The following FHIT variants were observed in gnomAD, a reference collection of about 807,000 sequenced individuals.
The protein encoded by FHIT is fragile histidine triad diadenosine triphosphatase.
Under a neutral mutation model 17.9 loss-of-function variants are expected in FHIT, and 19 were observed. That is an observed-to-expected ratio of 1.06 (90% CI 0.74 to 1.56). FHIT has a LOEUF of 1.56. Ranked by LOEUF, FHIT falls within the 40% of genes most tolerant of loss-of-function variation. The pLI is 0.00. For synonymous variants in FHIT, 81 were observed against 69.7 expected (o/e 1.16, Z -0.81); for missense variants, 248 against 189.2 (o/e 1.31, Z -1.82).
intron 4 of FHIT, among the ~76,000 whole-genome samples, chr3:60,714,639 G>A (rs367932353): frequency 9.9e-5 from 15 of 151,928 alleles, no homozygotes; most frequent in South Asian, 2.1e-4. Context: ...ATACACCAAT[G>A]ACAGACAAAC....
intron 3 of FHIT, among the ~76,000 whole-genome samples, chr3:60,963,213 G>A (rs1334439472): frequency 6.6e-6 from 1 of 152,106 alleles, no homozygotes; most frequent in Admixed American, 6.6e-5. Flanking sequence ...TAGTTTATTT[G>A]CATAGAGGTG....
intron 2 of FHIT, among the ~76,000 whole-genome samples, chr3:61,079,997 TA>T (rs1355984047): frequency 6.6e-6 from 1 of 152,150 alleles, no homozygotes; most frequent in East Asian, 1.9e-4. Context: ...ATTTTTAAAT[TA>T]AAATTATCAT....
chr3:60,690,548 G>A (rs2040963020), intron 4 of FHIT: 2 of 554,612 alleles, frequency 3.6e-6, no homozygotes, highest in African/African-American at 1.9e-5. Context: ...ACAAACCCTG[G>A]AATAATTCTG....
intron 3 of FHIT, among the ~76,000 whole-genome samples, chr3:60,835,878 G>A (rs551846051): frequency 9.2e-5 from 14 of 152,274 alleles, no homozygotes; most frequent in East Asian, 1.9e-4. Flanking sequence ...GCCTCCCATC[G>A]TGTTGGGATG....
rs530866039 is a variant in FHIT at position 60,486,440 on chromosome 3, C to T, written c.103+50420G>A. ...CTACAAACAACCATAATCCCTTGAACAATTCCCCAAAGCTCCTAACATCAA... is the reference window on the plus strand; with the variant it reads ...CTACAAACAACCATAATCCCTTGAATAATTCCCCAAAGCTCCTAACATCAA... On this transcript the variant is annotated intron_variant, in intron 5 of 9. Coordinates refer to ENST00000492590, the MANE Select transcript of FHIT (RefSeq NM_002012.4). Among the ~76,000 whole-genome samples, 24 of 152,216 alleles carry T rather than the reference C, an allele frequency of 1.6e-4. 1 individual carries two copies. The highest frequency in any genetic ancestry group is 5.8e-4 in the African/African-American group (24 of 41,538).
intron 4 of FHIT, among the ~76,000 whole-genome samples, chr3:60,550,934 A>G (rs1188273226): frequency 6.6e-6 from 1 of 152,164 alleles, no homozygotes; most frequent in Non-Finnish European, 1.5e-5. Flanking sequence ...AATGATCAAA[A>G]TCCAAGAACA....
intron 7 of FHIT, among the ~76,000 whole-genome samples, chr3:59,940,375 A>T (rs62238352): frequency 6.6e-6 from 1 of 152,090 alleles, no homozygotes; most frequent in African/African-American, 2.4e-5. Context: ...GGACTTTACC[A>T]TTGTTTTAAA....
chr3:60,052,839 GTA>G (rs1467464128), intron 5 of FHIT, among the ~76,000 whole-genome samples: 2 of 149,514 alleles, frequency 1.3e-5, no homozygotes, highest in Non-Finnish European at 3.0e-5. Flanking sequence ...TTTTTTCTTA[GTA>G]TAAGTATGTC....
chr3:60,239,110 G>T (rs1704973487), intron 5 of FHIT, among the ~76,000 whole-genome samples: 1 of 152,088 alleles, frequency 6.6e-6, no homozygotes, highest in Non-Finnish European at 1.5e-5. Flanking sequence ...TAACTTGAGA[G>T]ATATTTTTGC....
chr3:60,522,642 C>T (rs2035415870), intron 5 of FHIT, among the ~76,000 whole-genome samples: 2 of 152,144 alleles, frequency 1.3e-5, no homozygotes, highest in Non-Finnish European at 2.9e-5. Context: ...TGAGAAACAG[C>T]CTCCATGTGC....
intron 4 of FHIT, among the ~76,000 whole-genome samples, chr3:60,802,547 T>C (rs545362980): frequency 6.6e-6 from 1 of 152,346 alleles, no homozygotes; most frequent in Non-Finnish European, 1.5e-5. Flanking sequence ...CTTAAAACTA[T>C]TTACAGTACT....
At chr3:60,699,150 T>C (rs1477459491) in intron 4 of FHIT, among the ~76,000 whole-genome samples, 3 of 152,312 alleles carry the variant, frequency 2.0e-5, no homozygotes, top group African/African-American at 7.2e-5. Context: ...TTTATTTAAA[T>C]ACCCAACTAC....
chr3:60,593,689 A>G (rs898887645), intron 4 of FHIT, among the ~76,000 whole-genome samples: 22 of 152,202 alleles, frequency 1.4e-4, no homozygotes, highest in African/African-American at 5.1e-4. Context: ...CCTCCATTCT[A>G]TTGATCTCTC....
At chr3:60,139,285 C>T (rs1440905393) in intron 5 of FHIT, among the ~76,000 whole-genome samples, 1 of 152,142 alleles carries the variant, frequency 6.6e-6, no homozygotes. Flanking sequence ...CATCCCATAG[C>T]TGATTCCTAA....
intron 5 of FHIT, among the ~76,000 whole-genome samples, chr3:60,058,270 GAGTA>G (rs1702165378): frequency 1.3e-5 from 2 of 150,408 alleles, no homozygotes; most frequent in Non-Finnish European, 2.9e-5. Flanking sequence ...TCAGCCTCCT[GAGTA>G]GCTGGGATTA....
chr3:60,287,937 C>T (rs563866881), intron 5 of FHIT, among the ~76,000 whole-genome samples: 210 of 150,098 alleles, frequency 1.4e-3, no homozygotes, highest in Non-Finnish European at 2.4e-3. Context: ...AAATTCAGGG[C>T]TTCAAACCAC....
chr3:60,205,425 G>A (rs1477219235), intron 5 of FHIT, among the ~76,000 whole-genome samples: 1 of 152,122 alleles, frequency 6.6e-6, no homozygotes, highest in East Asian at 1.9e-4. Context: ...CTGCATCTTG[G>A]CACAAGTATA....
intron 1 of FHIT, among the ~76,000 whole-genome samples, chr3:61,208,346 C>A (rs148684263): frequency 0.43 from 65,829 of 151,522 alleles, 14,877 homozygotes; most frequent in East Asian, 0.58. Context: ...TGGTGCAGAG[C>A]TGAGTTCAAT....
intron 3 of FHIT, among the ~76,000 whole-genome samples, chr3:60,942,076 T>C (rs1344130780): frequency 2.0e-5 from 3 of 152,114 alleles, no homozygotes; most frequent in African/African-American, 7.2e-5. Context: ...CTCCACCTCC[T>C]GGATTCAGGC....
Sources: allele counts gnomAD v4.1 joint callset (sites outside exome capture counted in the v4.1 genomes callset), GRCh38; gene constraint gnomAD v4.1.1; transcripts MANE v1.5; gene names NCBI Gene and HGNC (gene_info 2026-07-23, HGNC 2026-07-21).